ABCB1: variants seen among roughly 807,000 people sequenced by gnomAD.
ABCB1 encodes the protein ATP-dependent translocase ABCB1.
Under a neutral mutation model 142.0 loss-of-function variants are expected in ABCB1, and 69 were observed. The observed-to-expected ratio is 0.49, with a 90% CI of 0.40 to 0.59. The LOEUF is 0.59. Ranked by LOEUF, ABCB1 falls within the 20% of genes least tolerant of loss-of-function variation. The probability of loss-of-function intolerance (pLI) is 0.00; values close to 1 mark genes in which losing one functional copy is unlikely to be tolerated. For synonymous variants in ABCB1, 532 were observed against 539.2 expected, an observed-to-expected ratio of 0.99 and a Z score of 0.18; for missense variants, 1,326 against 1,554.7, an observed-to-expected ratio of 0.85 and a Z score of 2.47.
intron 1 of ABCB1, among the ~76,000 whole-genome samples, chr7:87,708,012 G>A (rs575035004): frequency 6.6e-6 from 1 of 152,122 alleles, no homozygotes; most frequent in East Asian, 1.9e-4. Flanking sequence ...AAAAACTTGT[G>A]CTTAGAGGAA....
At chr7:87,603,519 T>A (rs1819541065), upstream of ABCB1, among the ~76,000 whole-genome samples, 1 of 152,206 alleles carries the variant, frequency 6.6e-6, no homozygotes, top group African/African-American at 2.4e-5. Context: ...ACAGACTATA[T>A]CATATCTAAC....
At chr7:87,557,921 T>C (rs1393006979) in intron 8 of ABCB1, among the ~76,000 whole-genome samples, 2 of 152,170 alleles carry the variant, frequency 1.3e-5, no homozygotes, top group Admixed American at 1.3e-4. Context: ...TATAAAGCAT[T>C]AAGAAATGAG....
Position 87,619,063 on chromosome 7 carries a change from C to T in ABCB1, c.-330-17985G>A, listed in dbSNP as rs984316286. On this transcript the variant is annotated intron_variant, in intron 1 of 28. Coordinates refer to the ABCB1 transcript ENST00000265724. ...GAAAACCCACCTGTGCTGTGCCAGACTTCTGACCTACAGAACTTTCAGCTA... is the reference window on the plus strand; with the variant it reads ...GAAAACCCACCTGTGCTGTGCCAGATTTCTGACCTACAGAACTTTCAGCTA... Among the ~76,000 whole-genome samples the T allele has an allele frequency of 2.0e-5, 3 of 152,196 alleles. No individual in the cohort carries two copies. The East Asian group carries it at 5.8e-4, about 29-fold the overall frequency.
intron 1 of ABCB1, among the ~76,000 whole-genome samples, chr7:87,702,371 T>A (rs1303699413): frequency 6.6e-6 from 1 of 151,926 alleles, no homozygotes; most frequent in Non-Finnish European, 1.5e-5. Flanking sequence ...CTAGAACCCC[T>A]AGGCTCAAGT....
At chr7:87,661,829 C>T (rs1320596636) in intron 1 of ABCB1, among the ~76,000 whole-genome samples, 1 of 152,038 alleles carries the variant, frequency 6.6e-6, no homozygotes, top group Non-Finnish European at 1.5e-5. Flanking sequence ...AACCCCTATA[C>T]TTTTCTCCAT....
chr7:87,536,408 G>C (rs1816295071), intron 20 of ABCB1, 50 bp downstream of exon 20: 1 of 1,554,202 alleles, frequency 6.4e-7, no homozygotes, highest in Non-Finnish European at 8.9e-7. Flanking sequence ...TTCATGCTGG[G>C]GTCCAAAATG....
At chr7:87,677,537 G>A (rs944303721) in intron 1 of ABCB1, among the ~76,000 whole-genome samples, 4 of 152,086 alleles carry the variant, frequency 2.6e-5, no homozygotes, top group Admixed American at 6.6e-5. Flanking sequence ...GAGAAAAGGG[G>A]AGATATTGGT....
At chr7:87,517,762 T>C (rs1051131064) in intron 23 of ABCB1, among the ~76,000 whole-genome samples, 4 of 152,246 alleles carry the variant, frequency 2.6e-5, no homozygotes, top group Non-Finnish European at 5.9e-5. Flanking sequence ...GACGTTCTTA[T>C]CTATGACATG....
chr7:87,595,730 G>T, intron 3 of ABCB1, 36 bp downstream of exon 3: 1 of 1,517,148 alleles, frequency 6.6e-7, no homozygotes, highest in South Asian at 1.1e-5. Context: ...TCAAATTTCC[G>T]AAGTATTTTG....
chr7:87,540,488 T>C (rs1012925212), intron 18 of ABCB1, among the ~76,000 whole-genome samples: 2 of 152,228 alleles, frequency 1.3e-5, no homozygotes, highest in African/African-American at 4.8e-5. Flanking sequence ...TTGCCCAGGC[T>C]GGAGTGCAGT....
chr7:87,556,815 C>T (rs1188857891), intron 8 of ABCB1, among the ~76,000 whole-genome samples: 7 of 152,130 alleles, frequency 4.6e-5, no homozygotes, highest in Non-Finnish European at 8.8e-5. Flanking sequence ...GAATACAATC[C>T]TAACTCTTCA....
intron 1 of ABCB1, among the ~76,000 whole-genome samples, chr7:87,670,673 C>T (rs1456726271): frequency 6.6e-6 from 1 of 152,134 alleles, no homozygotes; most frequent in African/African-American, 2.4e-5. Flanking sequence ...TTTCACCAGG[C>T]CAAGGCTTTG....
At chr7:87,572,782 C>A (rs1818103103) in intron 4 of ABCB1, among the ~76,000 whole-genome samples, 1 of 151,824 alleles carries the variant, frequency 6.6e-6, no homozygotes, top group African/African-American at 2.4e-5. Context: ...TTATCCTTAG[C>A]AAACTAACAC....
intron 1 of ABCB1, among the ~76,000 whole-genome samples, chr7:87,606,154 C>T (rs1021426417): frequency 4.0e-5 from 6 of 151,516 alleles, no homozygotes; most frequent in South Asian, 2.1e-4. Context: ...CTAATAGAAC[C>T]GAGCAAAAGA....
At chr7:87,618,219 T>C (rs1162593069) in intron 1 of ABCB1, among the ~76,000 whole-genome samples, 1 of 152,202 alleles carries the variant, frequency 6.6e-6, no homozygotes, top group Non-Finnish European at 1.5e-5. Context: ...CTTTGGAACA[T>C]TTATCATACG....
chr7:87,633,933 G>T (rs1444197215), intron 1 of ABCB1, among the ~76,000 whole-genome samples: 1 of 152,182 alleles, frequency 6.6e-6, no homozygotes, highest in Non-Finnish European at 1.5e-5. Flanking sequence ...TAACAGTTCT[G>T]TAGGTTGTAC....
chr7:87,624,014 C>T (rs1350874984), intron 1 of ABCB1, among the ~76,000 whole-genome samples: 2 of 152,180 alleles, frequency 1.3e-5, no homozygotes, highest in African/African-American at 2.4e-5. Context: ...TGAAACAGTG[C>T]TTATTGATCT....
rs372391015 is a variant in ABCB1, at chr7:87,509,392, G to A, written c.3372C>T (p.Asp1124=). The A allele has an allele frequency of 1.2e-6, 2 of 1,614,078 alleles. No homozygotes were observed. The highest frequency in any genetic ancestry group is 2.7e-5 in the African/African-American group (2 of 74,930). ...GIVSQEPILF[D]CSIAENIAYG... ...AGGCAATGTTCTCAGCAATGCTGCA[G>A]TCAAACAGGATGGGCTCCTGGGACA... Residue 1124 remains aspartate, a synonymous_variant, in exon 26 of 28, where the codon GAC becomes GAT. Coordinates refer to ENST00000622132, the MANE Select transcript of ABCB1 (RefSeq NM_001348946.2).
intron 1 of ABCB1, among the ~76,000 whole-genome samples, chr7:87,656,515 G>C (rs937752421): frequency 4.6e-5 from 7 of 151,796 alleles, no homozygotes; most frequent in African/African-American, 1.7e-4. Flanking sequence ...AAAATATCAA[G>C]GTTTGTTTTG....
Sources: gnomAD v4.1 joint callset for allele counts (sites outside exome capture counted in the v4.1 genomes callset) on GRCh38, gnomAD v4.1.1 for gene constraint, MANE v1.5 for transcripts, NCBI Gene and HGNC (gene_info 2026-07-23, HGNC 2026-07-21) for gene names.